TTC6: variants seen among roughly 807,000 people sequenced by gnomAD.
The protein encoded by TTC6 is tetratricopeptide repeat protein 6.
TTC6 carries 172 observed loss-of-function variants against 210.4 expected under a neutral mutation model. The observed-to-expected ratio is 0.82, with a 90% CI of 0.72 to 0.93. TTC6 has a LOEUF of 0.93. TTC6 is among the 40% of genes least tolerant of loss of function. The pLI is 0.00. For missense variants in TTC6, 2,414 were observed against 2,318.1 expected, an observed-to-expected ratio of 1.04 and a Z score of -0.85; for synonymous variants, 804 against 819.6, an observed-to-expected ratio of 0.98 and a Z score of 0.32.
At chr14:37,753,413 G>A (rs2095958292) in intron 14 of TTC6, among the ~76,000 whole-genome samples, 178 bp downstream of exon 16, 1 of 151,904 alleles carries the variant, frequency 6.6e-6, no homozygotes, top group Non-Finnish European at 1.5e-5. Flanking sequence ...TAATTTAATG[G>A]GCATAAATGA....
intron 1 of TTC6, among the ~76,000 whole-genome samples, chr14:37,625,472 C>T (rs187628956): frequency 4.6e-5 from 7 of 151,382 alleles, no homozygotes; most frequent in Admixed American, 3.3e-4. Flanking sequence ...CTCTTGAACC[C>T]GGGAGGCGGA....
At chr14:37,786,479 G>A (rs146961357) in intron 14 of TTC6, among the ~76,000 whole-genome samples, 12 of 152,318 alleles carry the variant, frequency 7.9e-5, no homozygotes, top group African/African-American at 2.2e-4. Flanking sequence ...TTGGAAAAGC[G>A]CAGTATTAGG....
At chr14:37,658,597 T>C (rs555501399) in intron 1 of TTC6, among the ~76,000 whole-genome samples, 2 of 152,138 alleles carry the variant, frequency 1.3e-5, no homozygotes, top group East Asian at 3.9e-4. Flanking sequence ...TGGCAGGAAA[T>C]GGAGGATAAG....
intron 1 of TTC6, among the ~76,000 whole-genome samples, chr14:37,624,845 T>C (rs555798219): frequency 6.6e-6 from 1 of 152,104 alleles, no homozygotes; most frequent in East Asian, 2.0e-4. Flanking sequence ...ATGGTCTCGA[T>C]CTCCTGACCT....
At chr14:37,727,426 C>G (rs926142675) in intron 7 of TTC6, among the ~76,000 whole-genome samples, 2 of 150,728 alleles carry the variant, frequency 1.3e-5, no homozygotes, top group Non-Finnish European at 3.0e-5. Flanking sequence ...CCCGAGTAGC[C>G]GGGACTACAG....
At chr14:37,673,163 T>C (rs1274558171) in intron 1 of TTC6, among the ~76,000 whole-genome samples, 2 of 152,122 alleles carry the variant, frequency 1.3e-5, no homozygotes, top group African/African-American at 4.8e-5. Flanking sequence ...AACAATCATA[T>C]AAATGTTTAA....
chr14:37,670,186 T>C (rs1227383053), intron 1 of TTC6, among the ~76,000 whole-genome samples: 2 of 152,196 alleles, frequency 1.3e-5, no homozygotes, highest in South Asian at 2.1e-4. Flanking sequence ...TGTTTAATAA[T>C]AGGACAAAGA....
intron 3 of TTC6, among the ~76,000 whole-genome samples, chr14:37,691,678 A>T (rs1258902326): frequency 6.6e-6 from 1 of 152,170 alleles, no homozygotes; most frequent in East Asian, 1.9e-4. Flanking sequence ...TAGTGGAAGC[A>T]AAGAATAAAG....
intron 29 of TTC6, among the ~76,000 whole-genome samples, chr14:37,829,790 AG>A (rs2096180373): frequency 6.6e-6 from 1 of 152,226 alleles, no homozygotes; most frequent in Admixed American, 6.5e-5. Flanking sequence ...GAAATCCAAA[AG>A]AATAGTTACT....
intron 29 of TTC6, among the ~76,000 whole-genome samples, chr14:37,834,877 T>G (rs2139034056): frequency 6.6e-6 from 1 of 152,196 alleles, no homozygotes; most frequent in East Asian, 1.9e-4. Flanking sequence ...TTGAATAGGG[T>G]ACTTTGGCTT....
chr14:37,815,270 A>G (rs578243086), intron 25 of TTC6, among the ~76,000 whole-genome samples: 31 of 152,298 alleles, frequency 2.0e-4, no homozygotes, highest in African/African-American at 7.5e-4. Flanking sequence ...TCATAAGTGT[A>G]TAGCAGTGGT....
chr14:37,807,607 C>G lies in TTC6; in HGVS notation c.4455+147C>G, dbSNP rs2096121462. 7.6e-6 allele frequency: 4 copies of G among 529,166 alleles called. No homozygotes were observed. In the South Asian group the frequency reaches 3.5e-4, roughly 46 times the overall value. 32.8% of individuals were successfully genotyped at this position (529,166 alleles called of 1,614,324 possible). ...AACTACATAGAAAACTTTACACTTTCCCAATTCATATTTTTTTCACAAAAT... is the reference window on the plus strand; with the variant it reads ...AACTACATAGAAAACTTTACACTTTGCCAATTCATATTTTTTTCACAAAAT... On this transcript the variant is annotated intron_variant, in intron 23 of 30. Transcript: ENST00000553443.
intron 1 of TTC6, among the ~76,000 whole-genome samples, chr14:37,624,712 C>T (rs747520435): frequency 6.6e-6 from 1 of 152,004 alleles, no homozygotes; most frequent in Non-Finnish European, 1.5e-5. Context: ...ACCTTCACCT[C>T]CTGGGTTCAC....
intron 3 of TTC6, among the ~76,000 whole-genome samples, chr14:37,692,089 GA>G (rs2095804512): frequency 1.3e-5 from 2 of 149,030 alleles, no homozygotes; most frequent in African/African-American, 4.9e-5. Flanking sequence ...CTGCTGAATT[GA>G]AAGCACTAAC....
intron 2 of TTC6, among the ~76,000 whole-genome samples, chr14:37,608,284 T>G (rs963817173): frequency 1.3e-4 from 20 of 150,840 alleles, no homozygotes; most frequent in Non-Finnish European, 1.8e-4. Context: ...TACAAGTTTT[T>G]TTTGTGTGTG....
intron 1 of TTC6, among the ~76,000 whole-genome samples, chr14:37,624,672 A>G (rs2095657186): frequency 1.3e-5 from 2 of 151,720 alleles, no homozygotes; most frequent in Admixed American, 1.3e-4. Flanking sequence ...CTCAGGCTGG[A>G]GTGCAGTAGT....
At chr14:37,816,543 T>A (rs968169752) in intron 25 of TTC6, among the ~76,000 whole-genome samples, 9 of 152,132 alleles carry the variant, frequency 5.9e-5, no homozygotes, top group African/African-American at 2.2e-4. Flanking sequence ...CTTGATCAAG[T>A]GACATCACAA....
intron 10 of TTC6, among the ~76,000 whole-genome samples, chr14:37,747,210 A>C (rs542276861): frequency 1.6e-4 from 25 of 152,262 alleles, no homozygotes; most frequent in African/African-American, 5.5e-4. Context: ...CCCATGTCCT[A>C]TTTCAACCTG....
chr14:37,665,639 C>T (rs901426595), intron 1 of TTC6, among the ~76,000 whole-genome samples: 1 of 150,314 alleles, frequency 6.7e-6, no homozygotes, highest in African/African-American at 2.4e-5. Context: ...GCACATGTAC[C>T]CATGAACTTA....
Sources: allele counts gnomAD v4.1 joint callset (sites outside exome capture counted in the v4.1 genomes callset), GRCh38; gene constraint gnomAD v4.1.1; transcripts MANE v1.5; gene names NCBI Gene and HGNC (gene_info 2026-07-23, HGNC 2026-07-21).